MYH15: variants seen among roughly 807,000 people sequenced by gnomAD.
MYH15 encodes the protein myosin-15.
Under a neutral mutation model 240.5 loss-of-function variants are expected in MYH15, and 227 were observed. The ratio of observed to expected loss-of-function variants is 0.94; its 90% CI spans 0.85 to 1.05. The LOEUF (loss-of-function observed/expected upper bound fraction) is 1.05. Ranked by LOEUF, MYH15 falls within the 50% of genes least tolerant of loss-of-function variation. MYH15 has a pLI of 0.00. For synonymous variants in MYH15, 785 were observed against 796.7 expected (o/e 0.99, Z 0.25); for missense variants, 2,217 against 2,247.5 (o/e 0.99, Z 0.27).
At position 108,384,688 on chromosome 3, in the gene MYH15, G is replaced by A. The variant is rs747814109; in HGVS notation, c.5630C>T (p.Ala1877Val). 1.9e-5 allele frequency: 30 copies of A among 1,612,542 alleles called. No homozygotes were observed. The highest frequency in any genetic ancestry group is 9.9e-5 in the South Asian group (9 of 91,024). ...GCTGAAACTTCCCCAGGCACTCACC[G>A]CCACCTCGACTTGCTGCTTGTAATT... ...VQNYKQQVEV[A>V]ETQANQYLSK... is the part of the protein sequence containing the mutation. The change falls in exon 39 of 41, where the codon GCG becomes GTG. Residue 1877 changes from alanine (A) to valine (V), a missense_variant and splice_region_variant. Ala to Val is a moderately conservative substitution (Grantham distance 64). Coordinates refer to ENST00000693548, the MANE Select transcript of MYH15 (RefSeq NM_014981.3).
At chr3:108,466,397 A>T (rs2083118052) in intron 14 of MYH15, among the ~76,000 whole-genome samples, 1 of 152,224 alleles carries the variant, frequency 6.6e-6, no homozygotes, top group African/African-American at 2.4e-5. Flanking sequence ...TTTATAAAAA[A>T]TGCTTACATT....
intron 31 of MYH15, among the ~76,000 whole-genome samples, chr3:108,409,932 G>A (rs997528031): frequency 3.3e-5 from 5 of 152,176 alleles, no homozygotes; most frequent in Non-Finnish European, 7.3e-5. Flanking sequence ...CTATTAAAAA[G>A]CTTATGGTAG....
intron 31 of MYH15, among the ~76,000 whole-genome samples, chr3:108,409,150 T>C (rs1009835517): frequency 6.6e-6 from 1 of 152,232 alleles, no homozygotes; most frequent in Non-Finnish European, 1.5e-5. Context: ...TCTGAGATCC[T>C]GGGCTGTGAT....
upstream of MYH15, among the ~76,000 whole-genome samples, chr3:108,514,426 CT>C (rs1335324821): frequency 7.9e-5 from 12 of 152,110 alleles, no homozygotes; most frequent in African/African-American, 2.7e-4. Flanking sequence ...TGAAAACGTC[CT>C]TTTCAAATAT....
At chr3:108,526,620 G>A (rs1214294817) in intron 1 of MYH15, among the ~76,000 whole-genome samples, 1 of 152,108 alleles carries the variant, frequency 6.6e-6, no homozygotes, top group African/African-American at 2.4e-5. Context: ...GCATTCAGAT[G>A]TTTTCCAGGG....
chr3:108,412,880 C>T (rs960010024), intron 30 of MYH15, among the ~76,000 whole-genome samples: 5 of 152,160 alleles, frequency 3.3e-5, no homozygotes, highest in South Asian at 4.1e-4. Context: ...AGCTGCCTAC[C>T]TCCCTGAGGT....
In MYH15 at chr3:108,437,673, T is replaced by C. The variant is rs780357939; in HGVS notation, c.3102A>G (p.Arg1034=). Residue 1034 remains arginine, a synonymous_variant, in exon 25 of 41, where the codon AGA becomes AGG. Coordinates refer to ENST00000693548, the MANE Select transcript of MYH15 (RefSeq NM_014981.3). The part of the protein sequence containing the change: ...DELEGALEQE[R]KARMNCEREL... ...CCCTTTCACAGTTCATTCTCGCTTT[T>C]CTCTCCTGCTCAAGGGCACCCTCAA... The C allele has an allele frequency of 1.2e-6, 2 of 1,613,596 alleles. No individual in the cohort carries two copies. Among genetic ancestry groups the C allele is most frequent in the Non-Finnish European group, 1.7e-6 (2 of 1,179,912 alleles).
chr3:108,432,636 C>A (rs971489872), intron 25 of MYH15, among the ~76,000 whole-genome samples: 1 of 152,146 alleles, frequency 6.6e-6, no homozygotes, highest in Non-Finnish European at 1.5e-5. Context: ...CCCCGTGCTG[C>A]GTGCAGCCTA....
chr3:108,507,903 T>C (rs2083490379), intron 1 of MYH15, among the ~76,000 whole-genome samples: 1 of 152,226 alleles, frequency 6.6e-6, no homozygotes, highest in African/African-American at 2.4e-5. Context: ...ATTTTGTGTG[T>C]GTGTTTAAGG....
chr3:108,535,142 G>C, the MYH15 span, among the ~76,000 whole-genome samples: 1 of 152,050 alleles, frequency 6.6e-6, no homozygotes, highest in Admixed American at 6.5e-5. Flanking sequence ...ACATTGCCTG[G>C]GAACTTGTTA....
chr3:108,517,763 C>T (rs886865555), intron 1 of MYH15, among the ~76,000 whole-genome samples: 10 of 152,172 alleles, frequency 6.6e-5, no homozygotes, highest in South Asian at 2.1e-4. Flanking sequence ...CCACCGCACC[C>T]GGCCACCTTC....
chr3:108,492,545 A>G lies in MYH15; in HGVS notation c.826T>C (p.Tyr276His). 5 of 1,613,768 alleles carry G rather than the reference A, an allele frequency of 3.1e-6. No individual in the cohort carries two copies. Among genetic ancestry groups the G allele is most frequent in the Non-Finnish European group, 3.4e-6 (4 of 1,179,710 alleles). ...GATAGAATTTGATAGAATATGTGGT[A>G]GTTCCTCTCTCCAGCCTGCTGGAAA... ...VIFQQAGERN[Y>H]HIFYQILSGQ... The change falls in exon 9 of 41, where the codon TAC becomes CAC. Residue 276 changes from tyrosine to histidine, a missense_variant. Tyr to His is a moderately conservative substitution (Grantham distance 83). Coordinates refer to ENST00000693548, the MANE Select transcript of MYH15 (RefSeq NM_014981.3).
rs757283771 is a variant in MYH15, at chr3:108,381,546, TATTCTTC to T, written c.5773_5779del (p.Glu1925SerfsTer70). The T allele has an allele frequency of 1.2e-6, 2 of 1,613,972 alleles. No homozygotes were observed. Among genetic ancestry groups the T allele is most frequent in the Admixed American group, 1.7e-5 (1 of 60,018 alleles). On this transcript the variant is annotated frameshift_variant and stop_lost, in exon 41 of 41. Coordinates refer to ENST00000693548, the MANE Select transcript of MYH15 (RefSeq NM_014981.3). LOFTEE classifies it high-confidence loss of function. ...GTTGTCCTTTCAAAGCAGGGGATGC[TATTCTTC>T]TTGAACCTGAAAAACAGAATGTCAG...
chr3:108,455,689 T>TC (rs2083012821), intron 20 of MYH15, 47 bp downstream of exon 20: 5 of 1,593,580 alleles, frequency 3.1e-6, no homozygotes, highest in Non-Finnish European at 4.3e-6. Context: ...ATACACAGTC[T>TC]TCCCCCCATT....
Position 108,476,605 on chromosome 3 carries a change from A to G in MYH15, c.1115-90T>C, listed in dbSNP as rs2083223724. 3 of 814,366 alleles carry G rather than the reference A, an allele frequency of 3.7e-6. No homozygotes were observed. The East Asian group carries it at 7.7e-5, about 21-fold the overall frequency. The allele number at this position is 814,366 out of a possible 1,614,324, so 50.4% of individuals were successfully genotyped here. A position where few individuals can be genotyped will look rare whatever the true frequency, so the allele number is the denominator to read the frequency against. On this transcript the variant is annotated intron_variant, in intron 11 of 40. Transcript: ENST00000693548. ...TAGCCAAACTAACTACCCAGAGGAC[A>G]GAAAGATAGTGTGTTTACATCAGCG...
Position 108,414,214 on chromosome 3 carries a change from T to C in MYH15, c.4145+18A>G, listed in dbSNP as rs1205859482. 3 of 1,610,490 alleles carry C rather than the reference T, an allele frequency of 1.9e-6. No individual in the cohort carries two copies. Among genetic ancestry groups the C allele is most frequent in the Non-Finnish European group, 2.5e-6 (3 of 1,177,148 alleles). ...CATGTGAGTAACTCCAGGTTAAGGA[T>C]AGCCTTGCCCTACTCACTTGGCATC... On this transcript the variant is annotated intron_variant, in intron 30 of 40. Transcript: ENST00000693548.
At chr3:108,443,044 G>A (rs1398873498) in intron 22 of MYH15, among the ~76,000 whole-genome samples, 1 of 152,080 alleles carries the variant, frequency 6.6e-6, no homozygotes, top group Non-Finnish European at 1.5e-5. Flanking sequence ...ATCACCCCAG[G>A]TAGCACTGGC....
intron 26 of MYH15, among the ~76,000 whole-genome samples, chr3:108,429,190 C>T (rs533999728): frequency 2.0e-4 from 30 of 152,264 alleles, no homozygotes; most frequent in Middle Eastern, 3.4e-3. Context: ...ACCAAAAAAA[C>T]TGTTTAAGAG....
rs1345913594 is a variant in MYH15, at chr3:108,437,534, T to C, written c.3221+20A>G. Reference sequence around the variant, plus strand: ...ATATAAGGTCTCCAGCAATCTCATGTCAACAGAAAGGTGGCTTACTTCCTC... The same window carrying C: ...ATATAAGGTCTCCAGCAATCTCATGCCAACAGAAAGGTGGCTTACTTCCTC... On this transcript the variant is annotated intron_variant, in intron 25 of 40. Transcript: ENST00000693548. The C allele has an allele frequency of 6.2e-7, 1 of 1,607,364 alleles. No individual in the cohort carries two copies.
Sources: allele counts gnomAD v4.1 joint callset (sites outside exome capture counted in the v4.1 genomes callset), GRCh38; gene constraint gnomAD v4.1.1; transcripts MANE v1.5; gene names NCBI Gene and HGNC (gene_info 2026-07-23, HGNC 2026-07-21).